Variants in CCNK observed in about 807,000 individuals in gnomAD.
CCNK encodes the protein cyclin-K.
CCNK carries 9 observed loss-of-function variants against 65.0 expected under a neutral mutation model. The observed-to-expected ratio is 0.14, with a 90% CI of 0.08 to 0.24. The LOEUF (loss-of-function observed/expected upper bound fraction) is 0.24. Ranked by LOEUF, CCNK falls within the 10% of genes least tolerant of loss-of-function variation. CCNK has a pLI of 1.00. For synonymous variants in CCNK, 279 were observed against 270.8 expected, an observed-to-expected ratio of 1.03 and a Z score of -0.30; for missense variants, 474 against 720.0, an observed-to-expected ratio of 0.66 and a Z score of 3.91.
chr14:99,498,791 C>T (rs918155147), intron 4 of CCNK, among the ~76,000 whole-genome samples: 4 of 152,080 alleles, frequency 2.6e-5, no homozygotes, highest in African/African-American at 9.7e-5. Context: ...GCAAGTCCCC[C>T]GGATAAATAG....
chr14:99,501,199 G>C (rs1458364539), intron 5 of CCNK, 157 bp from the exon 6 acceptor site: 5 of 638,336 alleles, frequency 7.8e-6, no homozygotes, highest in Non-Finnish European at 1.4e-5. Context: ...GAAGGGGTAG[G>C]ATGTGGACCC....
intron 7 of CCNK, 160 bp from the exon 8 acceptor site, chr14:99,502,559 A>G (rs771377085): frequency 4.9e-6 from 6 of 1,222,766 alleles, no homozygotes; most frequent in Non-Finnish European, 6.7e-6. Flanking sequence ...TTGGTAAACT[A>G]AAAATACACA....
In CCNK at chr14:99,511,478, T is replaced by TTCAG. The variant is rs1297572456; in HGVS notation, c.*702_*705dup. ...CCATCTTGGTTACAAATGAGACTCC[T>TTCAG]TCAGTCAGTTATCCAAATAAAAGCA... On this transcript the variant is annotated 3_prime_UTR_variant, in exon 11 of 11. Transcript: ENST00000389879. 6.6e-6 allele frequency: 1 copy of TTCAG among 152,604 alleles called. No individual in the cohort carries two copies. 9.5% of individuals were successfully genotyped at this position (152,604 alleles called of 1,614,324 possible).
chr14:99,502,985 G>A lies in CCNK; in HGVS notation c.1011+1G>A. On this transcript the variant is annotated splice_donor_variant, in intron 8 of 10. Transcript: ENST00000389879. LOFTEE classifies it high-confidence loss of function. ...TCCCCGACAGGTTAAGCGAGCCGTG[G>A]TGAGTGGGCTAAAGCAGGCCCTGGG... 1.9e-6 allele frequency: 3 copies of A among 1,614,004 alleles called. No individual in the cohort carries two copies. The highest frequency in any genetic ancestry group is 2.5e-6 in the Non-Finnish European group (3 of 1,179,896).
intron 7 of CCNK, 100 bp from the exon 8 acceptor site, chr14:99,502,619 C>T (rs1896862021): frequency 7.9e-7 from 1 of 1,260,604 alleles, no homozygotes; most frequent in African/African-American, 1.5e-5. Context: ...GTGATTCATG[C>T]TTAGGTCCTC....
chr14:99,483,237 G>A (rs921440896), intron 1 of CCNK, among the ~76,000 whole-genome samples: 1 of 152,120 alleles, frequency 6.6e-6, no homozygotes, highest in Non-Finnish European at 1.5e-5. Flanking sequence ...CCTGAAGCCA[G>A]CAGAGCTTCA....
At chr14:99,493,005 GT>G in intron 2 of CCNK, 131 bp downstream of exon 2, 1 of 793,858 alleles carries the variant, frequency 1.3e-6, no homozygotes, top group Non-Finnish European at 1.9e-6. Context: ...CTGTTTGAAT[GT>G]TGTTTCTGGT....
chr14:99,503,040 C>G (rs778797351), intron 8 of CCNK, 56 bp downstream of exon 8: 1 of 1,571,442 alleles, frequency 6.4e-7, no homozygotes. Flanking sequence ...GGCGGCAACA[C>G]CTGAGCACTG....
In CCNK at chr14:99,492,626, G is replaced by T; in HGVS notation, c.-52G>T. ...AACTTTGTTTTTCTCTTTCTCATAG[G>T]ATTCTAACATTTTCAGAGAACCTTT... On this transcript the variant is annotated splice_region_variant and 5_prime_UTR_variant, in exon 2 of 11. Coordinates refer to ENST00000389879, the MANE Select transcript of CCNK (RefSeq NM_001099402.2). The T allele has an allele frequency of 6.8e-7, 1 of 1,475,780 alleles. No individual in the cohort carries two copies. 91.4% of individuals were successfully genotyped at this position (1,475,780 alleles called of 1,614,324 possible). A position where few individuals can be genotyped will look rare whatever the true frequency, so the allele number is the denominator to read the frequency against.
intron 8 of CCNK, chr14:99,503,280 T>C (rs1434630799): frequency 2.1e-5 from 13 of 621,406 alleles, no homozygotes; most frequent in East Asian, 8.3e-5. Context: ...GCAGTGTCGT[T>C]GTGCATGCTG....
intron 1 of CCNK, among the ~76,000 whole-genome samples, chr14:99,482,587 G>A (rs1896373211): frequency 6.6e-6 from 1 of 152,104 alleles, no homozygotes; most frequent in African/African-American, 2.4e-5. Flanking sequence ...GTGTCTTTTA[G>A]GGTTTTTTTC....
chr14:99,492,385 G>A, intron 1 of CCNK: 1 of 308,216 alleles, frequency 3.2e-6, no homozygotes, highest in Non-Finnish European at 5.9e-6. Context: ...TCTCAAGAGA[G>A]AGGGAGGAAA....
At chr14:99,487,410 G>A (rs1566746144) in intron 1 of CCNK, among the ~76,000 whole-genome samples, 1 of 152,178 alleles carries the variant, frequency 6.6e-6, no homozygotes, top group Non-Finnish European at 1.5e-5. Context: ...CACACTAGAT[G>A]CCAGTGGCAA....
chr14:99,493,029 C>CT, intron 2 of CCNK, 155 bp downstream of exon 2: 1 of 726,338 alleles, frequency 1.4e-6, no homozygotes, highest in Non-Finnish European at 2.1e-6. Context: ...GGGTTTTTCT[C>CT]TTTCTGATTT....
chr14:99,490,414 G>A (rs1036496281), intron 1 of CCNK, among the ~76,000 whole-genome samples: 4 of 152,270 alleles, frequency 2.6e-5, no homozygotes, highest in African/African-American at 9.6e-5. Flanking sequence ...TATGGAAGAT[G>A]TTTACATTGG....
intron 9 of CCNK, 39 bp downstream of exon 9, chr14:99,503,683 T>C (rs1566752128): frequency 6.6e-7 from 1 of 1,507,090 alleles, no homozygotes; most frequent in Admixed American, 2.0e-5. Context: ...TTTTATGTGT[T>C]TATATGCAAA....
chr14:99,493,595 T>C lies in CCNK; in HGVS notation c.279T>C (p.Tyr93=), dbSNP rs766300575. The C allele has an allele frequency of 7.0e-6, 11 of 1,576,222 alleles. No homozygotes were observed. Among genetic ancestry groups the C allele is most frequent in the South Asian group, 5.6e-5 (5 of 89,670 alleles). Reference sequence around the variant, plus strand: ...ATTCCTTCAAGCAATTCCCAAGATATGTAAGTGTTTGAATTTTATTGTAAT... The same window carrying C: ...ATTCCTTCAAGCAATTCCCAAGATACGTAAGTGTTTGAATTTTATTGTAAT... The part of the protein sequence containing the change: ...MFHSFKQFPR[Y]VTGACCLFLA... Residue 93 remains tyrosine (Y), a splice_region_variant and synonymous_variant, in exon 3 of 11, where the codon TAT becomes TAC. Transcript: ENST00000389879.
At chr14:99,497,049 G>A (rs1436688138) in intron 4 of CCNK, among the ~76,000 whole-genome samples, 4 of 107,774 alleles carry the variant, frequency 3.7e-5, no homozygotes, top group Non-Finnish European at 5.4e-5. Context: ...GCATCCCCCC[G>A]ACCAAAGTGG....
chr14:99,494,512 T>C (rs1313760498), intron 3 of CCNK: 1 of 152,238 alleles, frequency 6.6e-6, no homozygotes, highest in Non-Finnish European at 1.5e-5. Context: ...TGTGAAGTTC[T>C]TGAAGAAGGA....
Sources: allele counts gnomAD v4.1 joint callset (sites outside exome capture counted in the v4.1 genomes callset), GRCh38; gene constraint gnomAD v4.1.1; transcripts MANE v1.5; gene names NCBI Gene and HGNC (gene_info 2026-07-23, HGNC 2026-07-21).